HADHB: variants seen among roughly 807,000 people sequenced by gnomAD.
HADHB encodes the protein trifunctional enzyme subunit beta, mitochondrial.
Under a neutral mutation model 61.9 loss-of-function variants are expected in HADHB, and 50 were observed. The observed-to-expected ratio is 0.81, with a 90% CI of 0.64 to 1.02. The LOEUF (loss-of-function observed/expected upper bound fraction) is 1.02, where lower values mean the gene tolerates loss of function less well. Among genes scored for constraint, HADHB ranks in the 50% least tolerant of loss-of-function variants. The pLI is 0.00. For synonymous variants in HADHB, 191 were observed against 201.6 expected, an observed-to-expected ratio of 0.95 and a Z score of 0.45; for missense variants, 504 against 586.5, an observed-to-expected ratio of 0.86 and a Z score of 1.45.
At chr2:26,260,889 G>T in intron 3 of HADHB, 1 of 649,746 alleles carries the variant, frequency 1.5e-6, no homozygotes, top group Non-Finnish European at 2.7e-6. Context: ...TCTGGCTTAC[G>T]AATGACATCA....
intron 8 of HADHB, 147 bp from the exon 9 acceptor site, chr2:26,278,988 C>T: frequency 1.1e-6 from 1 of 896,634 alleles, no homozygotes; most frequent in East Asian, 2.4e-5. Flanking sequence ...TAGAGATCCT[C>T]TTTAGAGATC....
At chr2:26,245,177 A>C (rs1187508204) in intron 1 of HADHB, 187 bp downstream of exon 1, 2 of 187,416 alleles carry the variant, frequency 1.1e-5, no homozygotes, top group African/African-American at 2.3e-5. Context: ...AGTGACTTGG[A>C]CTAGCGTTCC....
At chr2:26,261,220 C>CG (rs1553319438) in intron 3 of HADHB, 1 of 474,516 alleles carries the variant, frequency 2.1e-6, no homozygotes, top group East Asian at 3.1e-5. Context: ...ATACCCCCCC[C>CG]CCATCCAGAC....
At chr2:26,251,820 A>G (rs1671410481) in intron 1 of HADHB, among the ~76,000 whole-genome samples, 1 of 152,208 alleles carries the variant, frequency 6.6e-6, no homozygotes, top group African/African-American at 2.4e-5. Flanking sequence ...GACCCAAGAG[A>G]AGTTAAACCT....
chr2:26,260,049 A>G (rs1242961082), intron 3 of HADHB, among the ~76,000 whole-genome samples: 1 of 151,532 alleles, frequency 6.6e-6, no homozygotes, highest in Non-Finnish European at 1.5e-5. Flanking sequence ...ATCTGAAAGT[A>G]TATAAAAGGA....
At chr2:26,282,725 T>C (rs1672842771) in intron 10 of HADHB, 120 bp from the exon 11 acceptor site, 1 of 731,678 alleles carries the variant, frequency 1.4e-6, no homozygotes, top group Non-Finnish European at 2.5e-6. Context: ...AGTGTTGTTA[T>C]ATAGAATCAC....
chr2:26,260,723 T>C, intron 3 of HADHB: 1 of 396,584 alleles, frequency 2.5e-6, no homozygotes. Flanking sequence ...AAGGTTTGTG[T>C]GTACTACAGC....
intron 1 of HADHB, among the ~76,000 whole-genome samples, chr2:26,247,358 T>G (rs1671208718): frequency 6.6e-6 from 1 of 152,244 alleles, no homozygotes; most frequent in African/African-American, 2.4e-5. Flanking sequence ...TAGTCCCTCT[T>G]ACTTTTGAAA....
chr2:26,262,899 A>G (rs1399652769), intron 3 of HADHB, among the ~76,000 whole-genome samples: 3 of 152,232 alleles, frequency 2.0e-5, no homozygotes, highest in African/African-American at 7.2e-5. Context: ...TACAAATGCT[A>G]GTCAATTTCT....
rs1205195684 is a variant in HADHB, at chr2:26,289,996, C to CACT, written c.*45_*47dup. On this transcript the variant is annotated 3_prime_UTR_variant, in exon 16 of 16. Coordinates refer to ENST00000317799, the MANE Select transcript of HADHB (RefSeq NM_000183.3). ...ACCTGAAGTTTCTGTGCAACACTCA[C>CACT]ACTAGGCAATGCCATTTCAATGCAT... The CACT allele has an allele frequency of 6.7e-6, 9 of 1,344,152 alleles. No individual in the cohort carries two copies. The highest frequency in any genetic ancestry group is 9.6e-6 in the Non-Finnish European group (9 of 933,976). 83.3% of individuals were successfully genotyped at this position (1,344,152 alleles called of 1,614,324 possible). A position where few individuals can be genotyped will look rare whatever the true frequency, so the allele number is the denominator to read the frequency against.
At chr2:26,262,622 G>T (rs1222552308) in intron 3 of HADHB, among the ~76,000 whole-genome samples, 1 of 152,120 alleles carries the variant, frequency 6.6e-6, no homozygotes, top group East Asian at 1.9e-4. Context: ...AAGTATTTAG[G>T]CATGTAGATT....
chr2:26,286,399 A>G (rs1673035617), intron 15 of HADHB, among the ~76,000 whole-genome samples: 1 of 152,166 alleles, frequency 6.6e-6, no homozygotes, highest in African/African-American at 2.4e-5. Flanking sequence ...TATTGTTGAC[A>G]GATTTTTTCC....
chr2:26,263,241 G>A, intron 3 of HADHB, 139 bp from the exon 4 acceptor site: 1 of 557,816 alleles, frequency 1.8e-6, no homozygotes, highest in Non-Finnish European at 3.2e-6. Context: ...AGAGGTTGCA[G>A]TGAGCCGAGA....
chr2:26,283,399 C>T (rs1373785130), intron 12 of HADHB, among the ~76,000 whole-genome samples: 1 of 152,052 alleles, frequency 6.6e-6, no homozygotes, highest in African/African-American at 2.4e-5. Context: ...TGGCGGGCGC[C>T]TGTAGTCCCA....
Position 26,254,323 on chromosome 2 carries a change from G to A in HADHB, c.64+5G>A, listed in dbSNP as rs931884310. On this transcript the variant is annotated splice_donor_5th_base_variant and intron_variant, in intron 2 of 15. Coordinates refer to ENST00000317799, the MANE Select transcript of HADHB (RefSeq NM_000183.3). ...CAAAATGGGCCCTCAGATTTTGTAA[G>A]TTTATTATTATTTTTTTATTTTTAG... The A allele has an allele frequency of 6.5e-7, 1 of 1,545,124 alleles. No individual in the cohort carries two copies. The highest frequency in any genetic ancestry group is 1.4e-5 in the African/African-American group (1 of 73,640).
At chr2:26,256,006 A>G (rs901579253) in intron 3 of HADHB, among the ~76,000 whole-genome samples, 15 of 152,232 alleles carry the variant, frequency 9.9e-5, no homozygotes, top group African/African-American at 3.4e-4. Context: ...GAAACCAAGT[A>G]TCTGGTGTTT....
intron 3 of HADHB, 101 bp downstream of exon 3, chr2:26,254,575 C>T: frequency 1.2e-6 from 1 of 810,860 alleles, no homozygotes; most frequent in Non-Finnish European, 2.2e-6. Context: ...TTTGCTAATT[C>T]TCCCCTTTTT....
At chr2:26,247,553 A>T (rs1671215385) in intron 1 of HADHB, among the ~76,000 whole-genome samples, 1 of 152,184 alleles carries the variant, frequency 6.6e-6, no homozygotes, top group Non-Finnish European at 1.5e-5. Context: ...TTTATATAAG[A>T]TATTGATGTA....
In HADHB at chr2:26,285,739, G is replaced by GTTTT. The variant is rs766742523; in HGVS notation, c.1389+183_1389+186dup. On this transcript the variant is annotated intron_variant, in intron 15 of 15. Coordinates refer to ENST00000317799, the MANE Select transcript of HADHB (RefSeq NM_000183.3). ...TCTGATAAAACTTTTTGTTTTTTGG[G>GTTTT]TTTTTTTTTTTTTTTTTTGAGACAG... Among the ~76,000 whole-genome samples, 254 of 65,090 alleles carry GTTTT rather than the reference G, an allele frequency of 3.9e-3. 44 individuals are homozygous for GTTTT. Among genetic ancestry groups the GTTTT allele is most frequent in the African/African-American group, 0.014 (211 of 15,150 alleles). 42.7% of individuals were successfully genotyped at this position (65,090 alleles called of 152,430 possible).
Sources: allele counts gnomAD v4.1 joint callset (sites outside exome capture counted in the v4.1 genomes callset), GRCh38; gene constraint gnomAD v4.1.1; transcripts MANE v1.5; gene names NCBI Gene and HGNC (gene_info 2026-07-23, HGNC 2026-07-21).